NEXN: variants seen among roughly 807,000 people sequenced by gnomAD.
The protein encoded by NEXN is nexilin.
Under a neutral mutation model 92.6 loss-of-function variants are expected in NEXN, and 65 were observed. That is an observed-to-expected ratio of 0.70 (90% CI 0.57 to 0.86). NEXN has a LOEUF of 0.86. Ranked by LOEUF, NEXN falls within the 40% of genes least tolerant of loss-of-function variation. NEXN has a pLI of 0.00. For synonymous variants in NEXN, 254 were observed against 242.5 expected (o/e 1.05, Z -0.44); for missense variants, 778 against 771.1 (o/e 1.01, Z -0.11).
intron 1 of NEXN, among the ~76,000 whole-genome samples, chr1:77,891,944 G>A (rs1158821908): frequency 2.6e-5 from 4 of 151,822 alleles, no homozygotes; most frequent in Admixed American, 6.6e-5. Flanking sequence ...TTAGCCAGAT[G>A]TGGTGGTGCA....
intron 1 of NEXN, among the ~76,000 whole-genome samples, chr1:77,899,750 C>G (rs1442401923): frequency 2.0e-5 from 3 of 151,972 alleles, no homozygotes; most frequent in Non-Finnish European, 4.4e-5. Context: ...TTTCATCTCC[C>G]CAAGCTTAGG....
intron 5 of NEXN, among the ~76,000 whole-genome samples, chr1:77,920,789 T>G (rs1399515017): frequency 6.6e-6 from 1 of 151,194 alleles, no homozygotes; most frequent in Non-Finnish European, 1.5e-5. Context: ...AAAAGAGGAG[T>G]TACTGGTGAG....
rs146869804 is a variant in NEXN, at chr1:77,895,974, G to C, written c.-53+7215G>C. Reference sequence around the variant, plus strand: ...GCAGATCACTTGAGGTCAGGAGTTGGAGACCAGCTTGGCCAACATGGTGAA... The same window carrying C: ...GCAGATCACTTGAGGTCAGGAGTTGCAGACCAGCTTGGCCAACATGGTGAA... On this transcript the variant is annotated intron_variant, in intron 1 of 12. Coordinates refer to ENST00000334785, the MANE Select transcript of NEXN (RefSeq NM_144573.4). Among the ~76,000 whole-genome samples the C allele has an allele frequency of 4.6e-5, 7 of 151,846 alleles. No homozygotes were observed. The East Asian group carries it at 1.2e-3, about 25-fold the overall frequency.
At chr1:77,906,459 A>T (rs969055479) in intron 1 of NEXN, among the ~76,000 whole-genome samples, 22 of 152,180 alleles carry the variant, frequency 1.4e-4, no homozygotes, top group Non-Finnish European at 1.2e-4. Context: ...TATAATTATC[A>T]TTAGGATATA....
chr1:77,914,185 C>A (rs1648789532), intron 1 of NEXN, among the ~76,000 whole-genome samples: 1 of 152,112 alleles, frequency 6.6e-6, no homozygotes, highest in African/African-American at 2.4e-5. Flanking sequence ...TTACCCAAAA[C>A]CCACAGAATG....
At chr1:77,901,229 C>A (rs1241650075) in intron 1 of NEXN, among the ~76,000 whole-genome samples, 1 of 152,106 alleles carries the variant, frequency 6.6e-6, no homozygotes, top group Non-Finnish European at 1.5e-5. Context: ...AGACTTCAAT[C>A]AAAACAACAT....
chr1:77,919,705 T>C (rs1649269423), intron 5 of NEXN, among the ~76,000 whole-genome samples: 1 of 151,566 alleles, frequency 6.6e-6, no homozygotes, highest in African/African-American at 2.4e-5. Context: ...GTTGAAGCGA[T>C]TCTCCTGTCT....
At chr1:77,940,675 CA>C (rs1218046828) in intron 11 of NEXN, among the ~76,000 whole-genome samples, 1 of 151,872 alleles carries the variant, frequency 6.6e-6, no homozygotes, top group Non-Finnish European at 1.5e-5. Context: ...TGGTAAACAA[CA>C]AAAAAAGTGT....
intron 1 of NEXN, among the ~76,000 whole-genome samples, chr1:77,906,677 C>T (rs1041186232): frequency 1.3e-5 from 2 of 152,092 alleles, no homozygotes; most frequent in African/African-American, 4.8e-5. Context: ...TGTTTTGAGA[C>T]AGGGTCTTGC....
rs555294471 is a variant in NEXN at position 77,910,012 on chromosome 1, G to C, written c.-52-6043G>C. Among the ~76,000 whole-genome samples, 5 of 152,192 alleles carry C rather than the reference G, an allele frequency of 3.3e-5. No individual in the cohort carries two copies. The South Asian group carries it at 1.0e-3, about 32-fold the overall frequency. ...AGGATAATGCATTATAACCAATTGG[G>C]AATTATCCTAGGAATGTTAAGGTTG... On this transcript the variant is annotated intron_variant, in intron 1 of 12. Coordinates refer to ENST00000334785, the MANE Select transcript of NEXN (RefSeq NM_144573.4).
At chr1:77,917,096 G>A (rs1396138498) in intron 2 of NEXN, among the ~76,000 whole-genome samples, 1 of 152,088 alleles carries the variant, frequency 6.6e-6, no homozygotes, top group African/African-American at 2.4e-5. Context: ...AACCAGGAAG[G>A]GGGTAAAATG....
Position 77,935,953 on chromosome 1 carries a change from A to T in NEXN, c.1382A>T (p.Lys461Ile), listed in dbSNP as rs1486189428. 1.9e-6 allele frequency: 3 copies of T among 1,614,074 alleles called. No homozygotes were observed. The highest frequency in any genetic ancestry group is 1.7e-6 in the Non-Finnish European group (2 of 1,179,980). Residue 461 changes from lysine (K) to isoleucine (I), a missense_variant, in exon 11 of 13, where the codon AAA becomes ATA. Lys to Ile is a moderately radical substitution (Grantham distance 102). Transcript: ENST00000334785. ...GAAAAAATTGGACAGTTGTCTGAAA[A>T]AGAAATACAGAAAAAAATAGAAGAA... The part of the protein sequence containing the change: ...KFEKIGQLSE[K>I]EIQKKIEEER...
chr1:77,895,029 ATTTTTTTTTTTTTTTTTT>A (rs559226754), intron 1 of NEXN, among the ~76,000 whole-genome samples: 1,494 of 61,822 alleles, frequency 0.024, 70 homozygotes, highest in African/African-American at 0.097. Flanking sequence ...CTATAGTGTA[ATTTTTTTTTTTTTTTTTT>A]TTTTTTTTTT....
intron 1 of NEXN, among the ~76,000 whole-genome samples, chr1:77,895,470 T>A (rs947708654): frequency 6.6e-6 from 1 of 152,224 alleles, no homozygotes; most frequent in Admixed American, 6.5e-5. Flanking sequence ...GGCTCATATT[T>A]TATGAAGCTC....
intron 1 of NEXN, among the ~76,000 whole-genome samples, chr1:77,915,359 GT>G (rs1436186001): frequency 6.6e-6 from 1 of 152,174 alleles, no homozygotes; most frequent in East Asian, 1.9e-4. Context: ...GCCGGGCATG[GT>G]GGCTCATGCC....
chr1:77,934,011 A>ATTT (rs71075780), intron 10 of NEXN, among the ~76,000 whole-genome samples: 10 of 114,308 alleles, frequency 8.7e-5, no homozygotes, highest in African/African-American at 2.2e-4. Context: ...CTAATTTTTA[A>ATTT]TTTTTTTTTT....
rs182950842 is a variant in NEXN, at chr1:77,892,244, C to T, written c.-53+3485C>T. Among the ~76,000 whole-genome samples, 11 of 152,114 alleles carry T rather than the reference C, an allele frequency of 7.2e-5. No homozygotes were observed. The East Asian group carries it at 2.1e-3, about 29-fold the overall frequency. ...TTTTATTTCAGTAGCTTTAGGGGTA[C>T]CAAGTGGTTTTTGGTTACATGGATG... On this transcript the variant is annotated intron_variant, in intron 1 of 12. Transcript: ENST00000334785.
At chr1:77,914,952 C>T (rs1485956463) in intron 1 of NEXN, among the ~76,000 whole-genome samples, 1 of 151,464 alleles carries the variant, frequency 6.6e-6, no homozygotes, top group Non-Finnish European at 1.5e-5. Context: ...ATATGCTTTA[C>T]ATATAAAAAC....
intron 5 of NEXN, among the ~76,000 whole-genome samples, chr1:77,919,045 A>C (rs979097296): frequency 3.9e-5 from 6 of 152,216 alleles, no homozygotes; most frequent in African/African-American, 1.4e-4. Context: ...TTACAGTTCC[A>C]CTTGGCTGAG....
Sources: gnomAD v4.1 joint callset for allele counts (sites outside exome capture counted in the v4.1 genomes callset) on GRCh38, gnomAD v4.1.1 for gene constraint, MANE v1.5 for transcripts, NCBI Gene and HGNC (gene_info 2026-07-23, HGNC 2026-07-21) for gene names.